Variants in DDX5 observed in about 807,000 individuals in gnomAD.
The protein encoded by DDX5 is probable ATP-dependent RNA helicase DDX5.
Under a neutral mutation model 68.6 loss-of-function variants are expected in DDX5, and 6 were observed. The ratio of observed to expected loss-of-function variants is 0.09; its 90% CI spans 0.05 to 0.17. The LOEUF is 0.17. Among genes scored for constraint, DDX5 ranks in the 10% least tolerant of loss-of-function variants. The pLI is 1.00. For synonymous variants in DDX5, 350 were observed against 247.0 expected, an observed-to-expected ratio of 1.42 and a Z score of -3.91; for missense variants, 499 against 756.1, an observed-to-expected ratio of 0.66 and a Z score of 3.99.
At chr17:64,504,608 T>C (rs1019908330) in intron 2 of DDX5, 69 bp downstream of exon 2, 4 of 1,503,950 alleles carry the variant, frequency 2.7e-6, no homozygotes, top group Non-Finnish European at 3.6e-6. Flanking sequence ...GCAAAACACC[T>C]GTCAGAATTT....
At chr17:64,506,312 C>CT, upstream of DDX5, 2 of 1,506,274 alleles carry the variant, frequency 1.3e-6, no homozygotes, top group Non-Finnish European at 1.8e-6. Context: ...CCGGCAGCCG[C>CT]TTTTATAGTC....
chr17:64,502,029 A>G lies in DDX5; in HGVS notation c.1197T>C (p.Asp399=). ...ACTAACCTAGCCCTCTGGAGGCCAC[A>G]TCTGTAGCAATCAGAATAGGAGCTT... The part of the protein sequence containing the change: ...HGKAPILIAT[D]VASRGLDVED... The change falls in exon 11 of 13, where the codon GAT becomes GAC. Residue 399 remains aspartate, a synonymous_variant. Coordinates refer to ENST00000225792, the MANE Select transcript of DDX5 (RefSeq NM_004396.5). 3 of 1,614,250 alleles carry G rather than the reference A, an allele frequency of 1.9e-6. No individual in the cohort carries two copies. Among genetic ancestry groups the G allele is most frequent in the Non-Finnish European group, 2.5e-6 (3 of 1,180,032 alleles).
chr17:64,504,205 T>G lies in DDX5; in HGVS notation c.307+17A>C. 6.2e-7 allele frequency: 1 copy of G among 1,613,690 alleles called. No homozygotes were observed. Among genetic ancestry groups the G allele is most frequent in the Non-Finnish European group, 8.5e-7 (1 of 1,179,588 alleles). On this transcript the variant is annotated intron_variant, in intron 3 of 12. Transcript: ENST00000225792. ...AAACAAAAACACGGGTAGGTAGAAC[T>G]GAAAAGTAGCACTTACCAGGGAAAT...
In DDX5 at chr17:64,503,483, G is replaced by A. The variant is rs374030868; in HGVS notation, c.596C>T (p.Thr199Ile). 1 of 1,614,240 alleles carries A rather than the reference G, an allele frequency of 6.2e-7. No individual in the cohort carries two copies. Among genetic ancestry groups the A allele is most frequent in the Non-Finnish European group, 8.5e-7 (1 of 1,180,040 alleles). The change falls in exon 6 of 13, where the codon ACT becomes ATT. Residue 199 changes from threonine (T) to isoleucine (I), a missense_variant. This residue lies in a region of DDX5 where 141 missense variants were observed against 279.8 expected (regional missense o/e 0.50). Transcript: ENST00000225792. ...EYCRACRLKS[T>I]CIYGGAPKGP... ...CTTAGGAGCACCACCGTAGATACAA[G>A]TAGACTTCAAGCGACATGCTCTACA...
chr17:64,505,278 G>C (rs940221118), intron 1 of DDX5: 2 of 280,180 alleles, frequency 7.1e-6, no homozygotes, highest in South Asian at 5.6e-5. Context: ...AGCTTTAGTG[G>C]TAAGAACCTA....
intron 2 of DDX5, 140 bp from the exon 3 acceptor site, chr17:64,504,458 C>A (rs907788842): frequency 4.4e-6 from 4 of 909,206 alleles, no homozygotes; most frequent in Non-Finnish European, 6.6e-6. Context: ...CTATGAACAC[C>A]CTATTATGAA....
rs75677177 is a variant in DDX5, at chr17:64,503,784, G to A, written c.507+19C>T. ...CTACACATTATGCTTCTAATAAAAA[G>A]TTAAAAATATATACTTACAATAGGC... On this transcript the variant is annotated intron_variant, in intron 5 of 12. Transcript: ENST00000225792. 4,657 of 1,605,820 alleles carry A rather than the reference G, an allele frequency of 2.9e-3. 107 individuals carry two copies. In the African/African-American group the frequency reaches 0.056, roughly 19 times the overall value.
At position 64,499,481 on chromosome 17, in the gene DDX5, G is replaced by A. The variant is rs1186138858; in HGVS notation, c.*442C>T. The A allele has an allele frequency of 4.7e-6, 1 of 213,442 alleles. No individual in the cohort carries two copies. Among genetic ancestry groups the A allele is most frequent in the Admixed American group, 5.9e-5 (1 of 17,044 alleles). 13.2% of individuals were successfully genotyped at this position (213,442 alleles called of 1,614,324 possible). On this transcript the variant is annotated 3_prime_UTR_variant, in exon 13 of 13. Coordinates refer to ENST00000225792, the MANE Select transcript of DDX5 (RefSeq NM_004396.5). The stretch of plus-strand genomic sequence containing the variant: ...AAAGAAGGGCCTTCTGATTCCCCCT[G>A]CCTCCCAAATTAAATAAAAAGGAAC...
rs1316433640 is a variant in DDX5, at chr17:64,505,723, A to G, written c.44+353T>C. 17 of 1,535,718 alleles carry G rather than the reference A, an allele frequency of 1.1e-5. No individual in the cohort carries two copies. In the African/African-American group the frequency reaches 1.8e-4, roughly 16 times the overall value. On this transcript the variant is annotated intron_variant, in intron 1 of 12. Coordinates refer to ENST00000225792, the MANE Select transcript of DDX5 (RefSeq NM_004396.5). ...CCCACAGAATGCCCGGCCACCCCAA[A>G]AACACCTCCCGAAACGCCGCACCTA...
intron 7 of DDX5, 31 bp from the exon 8 acceptor site, chr17:64,503,129 C>G: frequency 6.2e-7 from 1 of 1,611,594 alleles, no homozygotes; most frequent in Non-Finnish European, 8.5e-7. Flanking sequence ...AAATTAGTAT[C>G]AGACTCTTAA....
intron 1 of DDX5, chr17:64,505,607 G>C (rs911319903): frequency 3.3e-6 from 3 of 909,704 alleles, no homozygotes; most frequent in East Asian, 5.3e-5. Flanking sequence ...GTCCGAGGCC[G>C]GCATTTTGTA....
chr17:64,505,629 G>T, intron 1 of DDX5: 1 of 1,118,046 alleles, frequency 8.9e-7, no homozygotes, highest in Non-Finnish European at 1.3e-6. Flanking sequence ...TCGCGACTCA[G>T]CCACATGGCT....
At position 64,500,695 on chromosome 17, in the gene DDX5, G is replaced by C; in HGVS notation, c.1295C>G (p.Thr432Ser). Residue 432 changes from threonine (T) to serine (S), a missense_variant, in exon 12 of 13, where the codon ACT (threonine) becomes AGT (serine). Physicochemically the swap from Thr to Ser is moderately conservative, Grantham distance 58. Around this residue, in one of 5 missense-constraint regions of DDX5, gnomAD observed 26 missense variants for 128.2 expected, o/e 0.20. Transcript: ENST00000225792. The part of the protein sequence containing the change: ...SEDYIHRIGR[T>S]ARSTKTGTAY... The stretch of plus-strand genomic sequence containing the variant: ...TGTGCCTGTTTTGGTACTGCGAGCA[G>C]TTCTTCCAATTCGATGAATATAATC... 1 of 1,614,206 alleles carries C rather than the reference G, an allele frequency of 6.2e-7. No individual in the cohort carries two copies. Among genetic ancestry groups the C allele is most frequent in the South Asian group, 1.1e-5 (1 of 91,078 alleles).
chr17:64,499,842 C>T lies in DDX5; in HGVS notation c.*81G>A, dbSNP rs2038250435. The T allele has an allele frequency of 4.5e-6, 6 of 1,344,584 alleles. No individual in the cohort carries two copies. The highest frequency in any genetic ancestry group is 2.4e-5 in the East Asian group (1 of 42,130). The allele number at this position is 1,344,584 out of a possible 1,614,324, so 83.3% of individuals were successfully genotyped here. A position where few individuals can be genotyped will look rare whatever the true frequency, so the allele number is the denominator to read the frequency against. ...AGTCATTTCTGCAATTCCCATGTTT[C>T]TTAAATAACTATCTTGTCAGATAAC... is the stretch of plus-strand genomic sequence containing the variant. On this transcript the variant is annotated 3_prime_UTR_variant, in exon 13 of 13. Transcript: ENST00000225792.
At chr17:64,504,144 A>G (rs1555671644) in intron 3 of DDX5, 28 bp from the exon 4 acceptor site, 3 of 1,613,774 alleles carry the variant, frequency 1.9e-6, no homozygotes, top group South Asian at 1.1e-5. Context: ...TATTTAGTAA[A>G]AATTAGTGAT....
intron 5 of DDX5, 31 bp downstream of exon 5, chr17:64,503,772 T>C (rs368385672): frequency 1.6e-5 from 26 of 1,598,498 alleles, no homozygotes; most frequent in Non-Finnish European, 2.1e-5. Flanking sequence ...CACATTATGC[T>C]TCTAATAAAA....
At chr17:64,502,721 A>G in intron 8 of DDX5, 172 bp from the exon 9 acceptor site, 1 of 714,988 alleles carries the variant, frequency 1.4e-6, no homozygotes, top group Non-Finnish European at 2.3e-6. Context: ...TAAGTCAACC[A>G]GGGGACACAT....
Position 64,506,214 on chromosome 17 carries a change from G to A in DDX5, c.-95C>T, listed in dbSNP as rs755444465. 49 of 1,559,870 alleles carry A rather than the reference G, an allele frequency of 3.1e-5. No individual in the cohort carries two copies. Among genetic ancestry groups the A allele is most frequent in the Non-Finnish European group, 4.1e-5 (47 of 1,152,128 alleles). On this transcript the variant is annotated 5_prime_UTR_variant, in exon 1 of 13. Coordinates refer to ENST00000225792, the MANE Select transcript of DDX5 (RefSeq NM_004396.5). ...CCTCGATGACGGCGAAGCCTTGCGG[G>A]GGCGGCAGCGGAGGAAGGACACCGA... is the stretch of plus-strand genomic sequence containing the variant.
chr17:64,506,659 T>A, upstream of DDX5: 1 of 347,048 alleles, frequency 2.9e-6, no homozygotes. Context: ...GGGCCTGGCG[T>A]TGTCACGTGG....
Sources: gnomAD v4.1 joint callset for allele counts on GRCh38, gnomAD v4.1.1 for gene constraint, gnomAD v4.1.1 regional missense constraint, MANE v1.5 for transcripts, NCBI Gene and HGNC (gene_info 2026-07-23, HGNC 2026-07-21) for gene names.